REEP3: variants seen among roughly 807,000 people sequenced by gnomAD.
The protein encoded by REEP3 is receptor accessory protein 3, also known as receptor expression-enhancing protein 3.
Under a neutral mutation model 41.3 loss-of-function variants are expected in REEP3, and 20 were observed. That is an observed-to-expected ratio of 0.48 (90% CI 0.34 to 0.70). The LOEUF is 0.70. Among genes scored for constraint, REEP3 ranks in the 30% least tolerant of loss-of-function variants. The pLI is 0.01. For missense variants in REEP3, 271 were observed against 308.8 expected (o/e 0.88, Z 0.92); for synonymous variants, 104 against 101.8 (o/e 1.02, Z -0.13).
chr10:63,605,518 A>G (rs1358656402), intron 5 of REEP3, among the ~76,000 whole-genome samples: 5 of 152,220 alleles, frequency 3.3e-5, no homozygotes, highest in African/African-American at 1.2e-4. Flanking sequence ...ATTATAAAGC[A>G]TTGCTGGTTA....
At chr10:63,558,475 GGA>G (rs1220240992) in intron 1 of REEP3, among the ~76,000 whole-genome samples, 1 of 152,170 alleles carries the variant, frequency 6.6e-6, no homozygotes, top group Non-Finnish European at 1.5e-5. Context: ...GATTACTAAT[GGA>G]GTTTATACTC....
intron 1 of REEP3, among the ~76,000 whole-genome samples, chr10:63,537,966 C>A: frequency 6.9e-6 from 1 of 144,946 alleles, no homozygotes; most frequent in Non-Finnish European, 1.5e-5. Flanking sequence ...CCCCCCGACC[C>A]CCATTGATTT....
intron 1 of REEP3, among the ~76,000 whole-genome samples, chr10:63,555,449 C>T (rs762135301): frequency 6.6e-6 from 1 of 152,158 alleles, no homozygotes; most frequent in Non-Finnish European, 1.5e-5. Context: ...TCATGCATGA[C>T]CTTTGCTACC....
At chr10:63,597,483 T>C (rs1045949149) in intron 3 of REEP3, among the ~76,000 whole-genome samples, 1 of 152,206 alleles carries the variant, frequency 6.6e-6, no homozygotes, top group Non-Finnish European at 1.5e-5. Flanking sequence ...AGCTTTCCTA[T>C]GCTTACTACA....
rs545520562 is a variant in REEP3 at position 63,589,756 on chromosome 10, C to T, written c.106-5022C>T. On this transcript the variant is annotated intron_variant, in intron 2 of 7. Coordinates refer to ENST00000373758, the MANE Select transcript of REEP3 (RefSeq NM_001001330.3). ...TTTTGACCCATACTGGGAGCTAGGA[C>T]GTCTAATGTACTAAGAACAGCAGAA... Among the ~76,000 whole-genome samples the T allele has an allele frequency of 1.7e-4, 24 of 142,334 alleles. No homozygotes were observed. The South Asian group carries it at 3.3e-3, about 19-fold the overall frequency. 93.4% of individuals were successfully genotyped at this position (142,334 alleles called of 152,430 possible). A position where few individuals can be genotyped will look rare whatever the true frequency, so the allele number is the denominator to read the frequency against.
In REEP3 at chr10:63,622,670, A is replaced by T. The variant is rs1385678832; in HGVS notation, c.*1801A>T. The T allele has an allele frequency of 6.7e-6, 1 of 149,116 alleles. No homozygotes were observed. Among genetic ancestry groups the T allele is most frequent in the Admixed American group, 6.7e-5 (1 of 14,988 alleles). The allele number at this position is 149,116 out of a possible 1,614,324, so 9.2% of individuals were successfully genotyped here. On this transcript the variant is annotated 3_prime_UTR_variant, in exon 8 of 8. Coordinates refer to ENST00000373758, the MANE Select transcript of REEP3 (RefSeq NM_001001330.3). ...CCTAATAAGGTCATGTGAGTCAAGA[A>T]CTTTATCTGTGGGAGCTGATTTGCA... is the stretch of plus-strand genomic sequence containing the variant.
intron 7 of REEP3, among the ~76,000 whole-genome samples, 178 bp downstream of exon 7, chr10:63,619,978 A>G (rs1046943971): frequency 7.6e-5 from 11 of 144,286 alleles, no homozygotes; most frequent in African/African-American, 2.9e-4. Flanking sequence ...TGCTTTGTCA[A>G]CCAAATTGGA....
chr10:63,603,358 A>G, intron 5 of REEP3, among the ~76,000 whole-genome samples: 1 of 149,712 alleles, frequency 6.7e-6, no homozygotes, highest in East Asian at 2.0e-4. Context: ...ACCCTTCATT[A>G]TTAAAATAAG....
Position 63,523,202 on chromosome 10 carries a change from T to C in REEP3, c.32+1625T>C, listed in dbSNP as rs565411863. On this transcript the variant is annotated intron_variant, in intron 1 of 7. Coordinates refer to ENST00000373758, the MANE Select transcript of REEP3 (RefSeq NM_001001330.3). The stretch of plus-strand genomic sequence containing the variant: ...TGATCATGGGAATTGACAGTTTGGG[T>C]GCACAGATATCTGCAGTACAGGTCC... Among the ~76,000 whole-genome samples, 3 of 152,192 alleles carry C rather than the reference T, an allele frequency of 2.0e-5. No individual in the cohort carries two copies. The South Asian group carries it at 6.2e-4, about 31-fold the overall frequency.
At chr10:63,584,430 T>TTAAA (rs1554806774) in intron 2 of REEP3, among the ~76,000 whole-genome samples, 4 of 129,230 alleles carry the variant, frequency 3.1e-5, no homozygotes, top group South Asian at 2.5e-4. Context: ...CCCATCTTTT[T>TTAAA]AAAAAAAAAA....
chr10:63,582,983 G>GT (rs1015223288), intron 2 of REEP3, among the ~76,000 whole-genome samples: 1 of 151,818 alleles, frequency 6.6e-6, no homozygotes, highest in Non-Finnish European at 1.5e-5. Context: ...TCTTCCTGGA[G>GT]TTTTTTTTCT....
chr10:63,567,656 A>G (rs1163289827), intron 2 of REEP3, among the ~76,000 whole-genome samples: 1 of 152,204 alleles, frequency 6.6e-6, no homozygotes, highest in East Asian at 1.9e-4. Context: ...ACATTCACAT[A>G]CAAGGATTTG....
chr10:63,571,955 A>G (rs1240220599), intron 2 of REEP3, among the ~76,000 whole-genome samples: 1 of 152,180 alleles, frequency 6.6e-6, no homozygotes, highest in Non-Finnish European at 1.5e-5. Context: ...TTCACGTAAA[A>G]GTTGAAACAG....
At position 63,572,431 on chromosome 10, in the gene REEP3, C is replaced by T. The variant is rs144406658; in HGVS notation, c.105+6021C>T. 6.6e-4 allele frequency among the ~76,000 whole-genome samples: 101 copies of T among 152,186 alleles called. No homozygotes were observed. The East Asian group carries it at 0.017, about 26-fold the overall frequency. On this transcript the variant is annotated intron_variant, in intron 2 of 7. Transcript: ENST00000373758. ...AACCTGTCACCTAGGTTTTAAGCCC[C>T]GCATGCATTAGGTATTTGTCCTAAT...
chr10:63,525,315 G>T (rs907177939), intron 1 of REEP3, among the ~76,000 whole-genome samples: 2 of 152,064 alleles, frequency 1.3e-5, no homozygotes, highest in Non-Finnish European at 2.9e-5. Flanking sequence ...AAGCTCTTTT[G>T]TCCAGCCTTA....
At chr10:63,523,717 TGAGCCAAAG>T (rs1457509148) in intron 1 of REEP3, among the ~76,000 whole-genome samples, 16 of 152,154 alleles carry the variant, frequency 1.1e-4, no homozygotes, top group Admixed American at 9.2e-4. Flanking sequence ...GGGACCGGCG[TGAGCCAAAG>T]CCCAGAGGAG....
chr10:63,528,157 C>T (rs1027651765), intron 1 of REEP3, among the ~76,000 whole-genome samples: 14 of 152,130 alleles, frequency 9.2e-5, no homozygotes, highest in Non-Finnish European at 2.1e-4. Context: ...CTCTGCTGAA[C>T]TCTGTGATCA....
At chr10:63,594,987 T>G in intron 3 of REEP3, 133 bp downstream of exon 3, 1 of 669,464 alleles carries the variant, frequency 1.5e-6, no homozygotes. Flanking sequence ...GTTTTTGTCA[T>G]CTGCTTTCCC....
intron 1 of REEP3, among the ~76,000 whole-genome samples, chr10:63,524,403 C>CT (rs1233610002): frequency 6.6e-6 from 1 of 152,080 alleles, no homozygotes; most frequent in East Asian, 1.9e-4. Flanking sequence ...AGATCCTGCA[C>CT]TTTAACACCA....
Sources: allele counts gnomAD v4.1 joint callset (sites outside exome capture counted in the v4.1 genomes callset), GRCh38; gene constraint gnomAD v4.1.1; transcripts MANE v1.5; gene names NCBI Gene and HGNC (gene_info 2026-07-23, HGNC 2026-07-21).